Variants in ITGA4 observed in about 807,000 individuals in gnomAD.
The protein encoded by ITGA4 is integrin alpha-4.
In ITGA4, 63 loss-of-function variants were observed where a neutral mutation model predicts 133.6. The ratio of observed to expected loss-of-function variants is 0.47; its 90% CI spans 0.38 to 0.58. The LOEUF (loss-of-function observed/expected upper bound fraction) is 0.58. Among genes scored for constraint, ITGA4 ranks in the 20% least tolerant of loss-of-function variants. The pLI is 0.00. For missense variants in ITGA4, 1,076 were observed against 1,252.7 expected, an observed-to-expected ratio of 0.86 and a Z score of 2.13; for synonymous variants, 483 against 438.0, an observed-to-expected ratio of 1.10 and a Z score of -1.28.
intron 17 of ITGA4, 52 bp downstream of exon 17, chr2:181,511,827 G>A (rs760168070): frequency 7.0e-5 from 58 of 830,412 alleles, no homozygotes; most frequent in Admixed American, 2.9e-4. Context: ...GGTGTAATGA[G>A]TGTGTGCATT....
chr2:181,457,966 A>G (rs1288855680), intron 1 of ITGA4, 115 bp downstream of exon 1: 3 of 1,172,650 alleles, frequency 2.6e-6, no homozygotes, highest in Non-Finnish European at 3.5e-6. Context: ...CAGGAGGGAA[A>G]CGCTGCGAGA....
chr2:181,534,764 A>C, intron 26 of ITGA4, 52 bp from the exon 27 acceptor site: 1 of 1,390,000 alleles, frequency 7.2e-7, no homozygotes, highest in East Asian at 2.5e-5. Flanking sequence ...GCAACGTTTT[A>C]AACTGATTTT....
At chr2:181,526,093 C>T (rs1448448387) in intron 21 of ITGA4, among the ~76,000 whole-genome samples, 3 of 152,068 alleles carry the variant, frequency 2.0e-5, no homozygotes, top group Admixed American at 6.5e-5. Flanking sequence ...TGTAAAATGT[C>T]AGTGTCTGAT....
At chr2:181,458,439 T>G in intron 2 of ITGA4, 122 bp downstream of exon 2, 1 of 1,182,082 alleles carries the variant, frequency 8.5e-7, no homozygotes, top group Non-Finnish European at 1.2e-6. Flanking sequence ...GCATAAAGTT[T>G]TCAGTTTCAA....
chr2:181,536,719 G>C lies in ITGA4; in HGVS notation c.*1192G>C, dbSNP rs1574419693. ...TTTATAGTTTGTTCATACTATATGA[G>C]GTTCTATTTTAAATGACTTTCTGGA... On this transcript the variant is annotated 3_prime_UTR_variant, in exon 28 of 28. Transcript: ENST00000397033. The C allele has an allele frequency of 4.2e-6, 1 of 237,046 alleles. No individual in the cohort carries two copies. The highest frequency in any genetic ancestry group is 2.3e-5 in the African/African-American group (1 of 43,070). The allele number at this position is 237,046 out of a possible 1,614,324, so 14.7% of individuals were successfully genotyped here.
intron 15 of ITGA4, among the ~76,000 whole-genome samples, chr2:181,508,163 C>T (rs1325676405): frequency 4.0e-5 from 6 of 151,002 alleles, no homozygotes; most frequent in East Asian, 1.9e-4. Flanking sequence ...GTAATAAACT[C>T]GAGCTGTTTC....
intron 15 of ITGA4, among the ~76,000 whole-genome samples, chr2:181,507,384 T>G (rs1686414705): frequency 6.6e-6 from 1 of 152,134 alleles, no homozygotes; most frequent in Non-Finnish European, 1.5e-5. Context: ...CTTAGGTTAC[T>G]TTAGTAGTAA....
intron 17 of ITGA4, among the ~76,000 whole-genome samples, chr2:181,521,623 G>A (rs1686722199): frequency 6.6e-6 from 1 of 152,164 alleles, no homozygotes; most frequent in Admixed American, 6.6e-5. Flanking sequence ...ATTTGGCCTA[G>A]TTACTGGTGG....
Position 181,538,395 on chromosome 2 carries a change from G to A in ITGA4, c.*2868G>A. ...GTAATCTAGAAAACTGAGAAGGTCTGATTGATAAATCATCAACAACAATAA... is the reference window on the plus strand; with the variant it reads ...GTAATCTAGAAAACTGAGAAGGTCTAATTGATAAATCATCAACAACAATAA... On this transcript the variant is annotated 3_prime_UTR_variant, in exon 28 of 28. Transcript: ENST00000397033. The A allele has an allele frequency of 3.3e-6, 2 of 609,188 alleles. No homozygotes were observed. The highest frequency in any genetic ancestry group is 2.0e-5 in the South Asian group (1 of 50,102). The allele number at this position is 609,188 out of a possible 1,614,324, so 37.7% of individuals were successfully genotyped here.
intron 9 of ITGA4, among the ~76,000 whole-genome samples, chr2:181,484,379 GATC>G (rs1324279180): frequency 3.9e-5 from 6 of 152,148 alleles, no homozygotes; most frequent in African/African-American, 1.4e-4. Context: ...GAAGAAGAGT[GATC>G]ACCTCTTCCT....
intron 2 of ITGA4, among the ~76,000 whole-genome samples, chr2:181,467,942 C>T (rs1208415130): frequency 2.0e-5 from 3 of 152,212 alleles, no homozygotes; most frequent in Non-Finnish European, 2.9e-5. Context: ...TGTATGATTA[C>T]AGTTCCCCAA....
At chr2:181,493,471 T>G (rs747358087) in intron 11 of ITGA4, 52 bp downstream of exon 11, 7 of 1,083,712 alleles carry the variant, frequency 6.5e-6, no homozygotes, top group Admixed American at 4.3e-5. Context: ...TGCATATCCT[T>G]AAAACTTCCA....
intron 17 of ITGA4, among the ~76,000 whole-genome samples, chr2:181,512,303 G>A (rs1354170999): frequency 6.6e-6 from 1 of 152,062 alleles, no homozygotes; most frequent in Non-Finnish European, 1.5e-5. Context: ...ACAGGGCAGG[G>A]AAACGGGGAA....
At chr2:181,469,715 C>T (rs1685500133) in intron 2 of ITGA4, among the ~76,000 whole-genome samples, 1 of 152,140 alleles carries the variant, frequency 6.6e-6, no homozygotes, top group Non-Finnish European at 1.5e-5. Context: ...CACATATACA[C>T]CATGAAATAC....
chr2:181,537,728 T>A lies in ITGA4; in HGVS notation c.*2201T>A, dbSNP rs1687228112. The A allele has an allele frequency of 2.3e-6, 1 of 440,118 alleles. No individual in the cohort carries two copies. The highest frequency in any genetic ancestry group is 2.4e-5 in the Admixed American group (1 of 41,006). 27.3% of individuals were successfully genotyped at this position (440,118 alleles called of 1,614,324 possible). A position where few individuals can be genotyped will look rare whatever the true frequency, so the allele number is the denominator to read the frequency against. ...TTGCAAAGTTTTTTTGTGTGTCCAA[T>A]AAACACATTGTAAAAAAAAGAATTT... On this transcript the variant is annotated 3_prime_UTR_variant, in exon 28 of 28. Coordinates refer to ENST00000397033, the MANE Select transcript of ITGA4 (RefSeq NM_000885.6).
In ITGA4 at chr2:181,538,738, CACTTT is replaced by C. The variant is rs1249377860; in HGVS notation, c.*3215_*3219del. Among the ~76,000 whole-genome samples, 1 of 152,136 alleles carries C rather than the reference CACTTT, an allele frequency of 6.6e-6. No individual in the cohort carries two copies. Among genetic ancestry groups the C allele is most frequent in the East Asian group, 1.9e-4 (1 of 5,194 alleles). ...CTAAGATGGAAGGATAAAAATCTAA[CACTTT>C]ACTATTCAGATGGCTCCACTAAAAG... On this transcript the variant is annotated 3_prime_UTR_variant, in exon 28 of 28. Transcript: ENST00000397033.
At chr2:181,465,400 C>A (rs878929098) in intron 2 of ITGA4, among the ~76,000 whole-genome samples, 1 of 152,004 alleles carries the variant, frequency 6.6e-6, no homozygotes, top group Non-Finnish European at 1.5e-5. Context: ...TCCTTTAATT[C>A]TTTCATTGCT....
chr2:181,528,017 GTAAATA>G (rs1262274562), intron 22 of ITGA4, among the ~76,000 whole-genome samples: 2 of 152,186 alleles, frequency 1.3e-5, no homozygotes, highest in Admixed American at 1.3e-4. Context: ...TTGGTGATTA[GTAAATA>G]TAATTTCCAA....
chr2:181,519,664 G>A (rs1686679450), intron 17 of ITGA4, among the ~76,000 whole-genome samples: 1 of 152,042 alleles, frequency 6.6e-6, no homozygotes, highest in African/African-American at 2.4e-5. Flanking sequence ...TTAATTCATA[G>A]GTCATTTCAG....
Sources: allele counts gnomAD v4.1 joint callset (sites outside exome capture counted in the v4.1 genomes callset), GRCh38; gene constraint gnomAD v4.1.1; transcripts MANE v1.5; gene names NCBI Gene and HGNC (gene_info 2026-07-23, HGNC 2026-07-21).